EYS: variants seen among roughly 807,000 people sequenced by gnomAD.
EYS encodes protein eyes shut homolog.
In EYS, 250 loss-of-function variants were observed where a neutral mutation model predicts 282.1. That is an observed-to-expected ratio of 0.89 (90% CI 0.80 to 0.98). The LOEUF is 0.98. Among genes scored for constraint, EYS ranks in the 50% least tolerant of loss-of-function variants. The pLI is 0.00. For synonymous variants in EYS, 1,355 were observed against 1,282.9 expected (o/e 1.06, Z -1.20); for missense variants, 4,016 against 3,709.0 (o/e 1.08, Z -2.15).
intron 36 of EYS, among the ~76,000 whole-genome samples, chr6:63,844,959 C>T (rs1010709228): frequency 1.3e-5 from 2 of 151,998 alleles, no homozygotes; most frequent in Non-Finnish European, 2.9e-5. Flanking sequence ...AATGGTATTG[C>T]CTAGATTTTC....
At chr6:64,063,274 C>T (rs1484149573) in intron 33 of EYS, among the ~76,000 whole-genome samples, 2 of 152,108 alleles carry the variant, frequency 1.3e-5, no homozygotes, top group South Asian at 2.1e-4. Flanking sequence ...ATGGAAAATT[C>T]CACTTTGTAT....
rs566248175 is a variant in EYS at position 64,779,322 on chromosome 6, G to C, written c.3443+34056C>G. ...ATATGTTTCAGGGATGGAAAAATGA[G>C]CTACCTAACCACAAAAATGACATGG... On this transcript the variant is annotated intron_variant, in intron 22 of 42. Transcript: ENST00000503581. Among the ~76,000 whole-genome samples the C allele has an allele frequency of 5.3e-5, 8 of 152,128 alleles. No individual in the cohort carries two copies. The South Asian group carries it at 1.7e-3, about 32-fold the overall frequency.
intron 35 of EYS, among the ~76,000 whole-genome samples, chr6:63,974,583 T>C (rs1766744386): frequency 1.3e-5 from 2 of 152,016 alleles, no homozygotes; most frequent in Non-Finnish European, 2.9e-5. Context: ...GATGAGATTT[T>C]CTTCCCCCTA....
At chr6:63,884,228 T>C (rs562508039) in intron 35 of EYS, among the ~76,000 whole-genome samples, 4 of 152,328 alleles carry the variant, frequency 2.6e-5, no homozygotes, top group Admixed American at 2.0e-4. Flanking sequence ...TTTAAGAGCA[T>C]GCATTTGAAA....
At chr6:64,860,823 T>C (rs1390385901) in intron 19 of EYS, among the ~76,000 whole-genome samples, 2 of 152,324 alleles carry the variant, frequency 1.3e-5, no homozygotes, top group East Asian at 3.9e-4. Flanking sequence ...AAGAGCTTTA[T>C]TGAGCAATAG....
chr6:65,376,421 C>G (rs983679389), intron 8 of EYS, among the ~76,000 whole-genome samples: 8 of 152,160 alleles, frequency 5.3e-5, no homozygotes, highest in African/African-American at 1.7e-4. Context: ...ACTGCAAAAA[C>G]ATACTAAAAT....
At chr6:65,134,961 T>A (rs1180705559) in intron 12 of EYS, among the ~76,000 whole-genome samples, 1 of 151,780 alleles carries the variant, frequency 6.6e-6, no homozygotes, top group Non-Finnish European at 1.5e-5. Context: ...ATCATATGAG[T>A]GAGTGATAGG....
intron 26 of EYS, among the ~76,000 whole-genome samples, chr6:64,480,238 T>C (rs1290124690): frequency 1.3e-5 from 2 of 151,936 alleles, no homozygotes; most frequent in Non-Finnish European, 1.5e-5. Context: ...CTTATGGGTG[T>C]GAACCATTCA....
intron 35 of EYS, among the ~76,000 whole-genome samples, chr6:63,878,343 G>A (rs901186590): frequency 2.6e-5 from 4 of 152,124 alleles, no homozygotes; most frequent in South Asian, 2.1e-4. Context: ...TGGAAGCTTC[G>A]TTTCAGAGGG....
chr6:64,255,967 A>G (rs1418215546), intron 30 of EYS, among the ~76,000 whole-genome samples: 1 of 152,012 alleles, frequency 6.6e-6, no homozygotes, highest in Admixed American at 6.6e-5. Context: ...ATTAAAATTC[A>G]TATTTTGTAT....
intron 29 of EYS, among the ~76,000 whole-genome samples, chr6:64,335,192 A>G (rs1294440583): frequency 6.6e-6 from 1 of 152,124 alleles, no homozygotes; most frequent in Non-Finnish European, 1.5e-5. Flanking sequence ...ACCTACTAGT[A>G]GTAGTAACAG....
At chr6:65,040,685 C>T (rs1019555613) in intron 13 of EYS, among the ~76,000 whole-genome samples, 14 of 151,754 alleles carry the variant, frequency 9.2e-5, no homozygotes, top group African/African-American at 3.1e-4. Context: ...TGCCAAATGT[C>T]TCCTGGAAAG....
intron 33 of EYS, among the ~76,000 whole-genome samples, chr6:64,028,422 G>T (rs1034389619): frequency 6.6e-6 from 1 of 152,194 alleles, no homozygotes; most frequent in Non-Finnish European, 1.5e-5. Flanking sequence ...AAAACCAAAC[G>T]GTCATTGGAG....
At chr6:64,119,814 A>G (rs1230620334) in intron 31 of EYS, among the ~76,000 whole-genome samples, 1 of 152,212 alleles carries the variant, frequency 6.6e-6, no homozygotes, top group Admixed American at 6.5e-5. Flanking sequence ...GATGCACAGG[A>G]CAACTATCCT....
intron 7 of EYS, among the ~76,000 whole-genome samples, chr6:65,392,616 A>T (rs1472059523): frequency 6.6e-6 from 1 of 152,148 alleles, no homozygotes; most frequent in Non-Finnish European, 1.5e-5. Context: ...TCAAAACCAC[A>T]ATGAGATACC....
At chr6:65,571,713 C>T (rs1030753920) in intron 2 of EYS, among the ~76,000 whole-genome samples, 1 of 151,858 alleles carries the variant, frequency 6.6e-6, no homozygotes. Flanking sequence ...TTTTCAAATG[C>T]TTTTGATAAA....
chr6:65,023,946 T>A (rs906259264), intron 13 of EYS, among the ~76,000 whole-genome samples: 2 of 152,064 alleles, frequency 1.3e-5, no homozygotes, highest in African/African-American at 4.8e-5. Flanking sequence ...AAGTAAAAAA[T>A]GGTTTGTGAG....
At chr6:63,975,744 A>G (rs936486227) in intron 35 of EYS, among the ~76,000 whole-genome samples, 3 of 152,018 alleles carry the variant, frequency 2.0e-5, no homozygotes, top group Non-Finnish European at 4.4e-5. Flanking sequence ...TGTTCTTTTA[A>G]TATCATACCA....
chr6:63,889,302 C>T (rs1235282653), intron 35 of EYS, among the ~76,000 whole-genome samples: 1 of 152,064 alleles, frequency 6.6e-6, no homozygotes, highest in Non-Finnish European at 1.5e-5. Context: ...CAAAGAAGAG[C>T]AACCCCAAGA....
Sources: allele counts gnomAD v4.1 joint callset (sites outside exome capture counted in the v4.1 genomes callset), GRCh38; gene constraint gnomAD v4.1.1; transcripts MANE v1.5; gene names NCBI Gene and HGNC (gene_info 2026-07-23, HGNC 2026-07-21).